CAD: variants seen among roughly 807,000 people sequenced by gnomAD.
CAD encodes multifunctional protein CAD.
A neutral mutation model predicts 237.2 loss-of-function variants in CAD; 81 were observed. That is an observed-to-expected ratio of 0.34 (90% CI 0.29 to 0.41). The LOEUF (loss-of-function observed/expected upper bound fraction) is 0.41. Among genes scored for constraint, CAD ranks in the 10% least tolerant of loss-of-function variants. The pLI, the probability that CAD is intolerant of heterozygous loss-of-function variation, is 1.00. For missense variants in CAD, 2,181 were observed against 2,951.7 expected (o/e 0.74, Z 6.05); for synonymous variants, 1,196 against 1,162.8 (o/e 1.03, Z -0.58).
chr2:27,222,553 G>A lies in CAD; in HGVS notation c.530G>A (p.Arg177Gln), dbSNP rs374122292. The A allele has an allele frequency of 4.3e-6, 7 of 1,613,954 alleles. No individual in the cohort carries two copies. The highest frequency in any genetic ancestry group is 2.2e-5 in the East Asian group (1 of 44,892). ...GTATTCAATACAGGGGGTGCCCCTC[G>A]GATCCTTGCTTTGGACTGTGGCCTC... Reference protein sequence around the residue: ...PRVFNTGGAPRILALDCGLKY... With the variant: ...PRVFNTGGAPQILALDCGLKY... The change falls in exon 5 of 44, where the codon CGG becomes CAG. Residue 177 changes from arginine to glutamine, a missense_variant. Arg to Gln is a conservative substitution (Grantham distance 43, BLOSUM62 1). This residue lies in a region of CAD where 314 missense variants were observed against 339.4 expected (regional missense o/e 0.93). Coordinates refer to ENST00000264705, the MANE Select transcript of CAD (RefSeq NM_004341.5).
In CAD at chr2:27,242,104, C is replaced by T; in HGVS notation, c.6077C>T (p.Pro2026Leu). Residue 2026 changes from proline to leucine, a missense_variant, in exon 39 of 44, where the codon CCC (proline) becomes CTC (leucine). Physicochemically the swap from Pro to Leu is moderately conservative, Grantham distance 98. Transcript: ENST00000264705. This position sits in a 1 kb window ranked among gnomAD's most constrained non-coding sequence, Gnocchi z 6.4. ...GCCGACGTCGTCGTGCTCCGGCACC[C>T]CCAGCCTGGAGCAGTGGAGGTGAGG... ...CYADVVVLRH[P>L]QPGAVELAAK... 6.2e-7 allele frequency: 1 copy of T among 1,612,890 alleles called. No individual in the cohort carries two copies. Among genetic ancestry groups the T allele is most frequent in the Non-Finnish European group, 8.5e-7 (1 of 1,179,978 alleles).
At position 27,242,832 on chromosome 2, in the gene CAD, G is replaced by A. The variant is rs775524273; in HGVS notation, c.6379-40G>A. ...TGGAGATGTGGGTTGGGCAGTCAGA[G>A]CCCAGCGCTGCATCCACCATGGCTC... On this transcript the variant is annotated intron_variant, in intron 41 of 43. Transcript: ENST00000264705. This position sits in a 1 kb window ranked among gnomAD's most constrained non-coding sequence, Gnocchi z 6.4. 2 of 1,613,814 alleles carry A rather than the reference G, an allele frequency of 1.2e-6. No homozygotes were observed. The highest frequency in any genetic ancestry group is 1.7e-6 in the Non-Finnish European group (2 of 1,179,682).
Position 27,226,620 on chromosome 2 carries a change from A to G in CAD, c.2127A>G (p.Leu709=). The G allele has an allele frequency of 6.2e-7, 1 of 1,614,176 alleles. No homozygotes were observed. The highest frequency in any genetic ancestry group is 8.5e-7 in the Non-Finnish European group (1 of 1,180,026). The change falls in exon 14 of 44, where the codon CTA becomes CTG. Residue 709 remains leucine (L), a synonymous_variant. Transcript: ENST00000264705. ...CACTGGCTTATGTGGCAGCCAAGCT[A>G]GCATTGGGCATCCCTTTGCCTGAGC... ...GYPLAYVAAK[L]ALGIPLPELR... is the part of the protein sequence containing the mutation.
chr2:27,235,466 C>T lies in CAD; in HGVS notation c.3969+39C>T, dbSNP rs1367174954. 1.2e-6 allele frequency: 2 copies of T among 1,608,846 alleles called. No homozygotes were observed. Among genetic ancestry groups the T allele is most frequent in the Non-Finnish European group, 1.7e-6 (2 of 1,176,148 alleles). ...GGAGGGCTTCCCGAGGGCCGTGGCTCCCTGGGCCAGGGCTGACCTTGAAAT... is the reference window on the plus strand; with the variant it reads ...GGAGGGCTTCCCGAGGGCCGTGGCTTCCTGGGCCAGGGCTGACCTTGAAAT... On this transcript the variant is annotated intron_variant, in intron 24 of 43. Coordinates refer to ENST00000264705, the MANE Select transcript of CAD (RefSeq NM_004341.5). This position sits in a 1 kb window ranked among gnomAD's most constrained non-coding sequence, Gnocchi z 5.2.
Position 27,235,113 on chromosome 2 carries a change from G to T in CAD, c.3787-132G>T. 1 of 769,150 alleles carries T rather than the reference G, an allele frequency of 1.3e-6. No individual in the cohort carries two copies. Among genetic ancestry groups the T allele is most frequent in the Non-Finnish European group, 2.0e-6 (1 of 491,638 alleles). 47.6% of individuals were successfully genotyped at this position (769,150 alleles called of 1,614,324 possible). ...CCCCAAGTACGTTTGGAAAGCAGGA[G>T]GGCACACAGAGAGGGCAGGCTGACC... On this transcript the variant is annotated intron_variant, in intron 23 of 43. Transcript: ENST00000264705. This position sits in a 1 kb window ranked among gnomAD's most constrained non-coding sequence, Gnocchi z 5.2.
intron 5 of CAD, 71 bp from the exon 6 acceptor site, chr2:27,222,795 T>G (rs1675241408): frequency 6.3e-7 from 1 of 1,580,602 alleles, no homozygotes; most frequent in Admixed American, 1.7e-5. Flanking sequence ...TCTCATGGGC[T>G]GGGGGGGCTG....
chr2:27,235,463 G>A lies in CAD; in HGVS notation c.3969+36G>A. On this transcript the variant is annotated intron_variant, in intron 24 of 43. Coordinates refer to ENST00000264705, the MANE Select transcript of CAD (RefSeq NM_004341.5). This position sits in a 1 kb window ranked among gnomAD's most constrained non-coding sequence, Gnocchi z 5.2. ...CCAGGAGGGCTTCCCGAGGGCCGTG[G>A]CTCCCTGGGCCAGGGCTGACCTTGA... 6.2e-7 allele frequency: 1 copy of A among 1,608,328 alleles called. No individual in the cohort carries two copies. Among genetic ancestry groups the A allele is most frequent in the Non-Finnish European group, 8.5e-7 (1 of 1,175,812 alleles).
rs371844501 is a variant in CAD at position 27,222,182 on chromosome 2, C to G, written c.353-12C>G. 1.1e-4 allele frequency: 183 copies of G among 1,612,124 alleles called. No individual in the cohort carries two copies. In the South Asian group the frequency reaches 1.5e-3, roughly 13 times the overall value. ...TAGGAATGTGATCCCTAAGACTGTGCTATTTTGACAGGAGTAGACACTCGG... is the reference window on the plus strand; with the variant it reads ...TAGGAATGTGATCCCTAAGACTGTGGTATTTTGACAGGAGTAGACACTCGG... On this transcript the variant is annotated splice_polypyrimidine_tract_variant and intron_variant, in intron 3 of 43. Transcript: ENST00000264705.
chr2:27,229,055 A>C (rs2148071313), intron 15 of CAD, among the ~76,000 whole-genome samples: 1 of 151,054 alleles, frequency 6.6e-6, no homozygotes, highest in South Asian at 2.1e-4. Context: ...AGTAGCTGGG[A>C]CTACAGGCGC....
Position 27,237,424 on chromosome 2 carries a change from A to G in CAD, c.4442A>G (p.His1481Arg). ...HVHLREPGGT[H>R]KEDFASGTAA... ...CACCTGCGGGAACCAGGTGGGACAC[A>G]TAAGGAGGACTTTGCTTCAGGCACA... Residue 1481 changes from histidine (H) to arginine (R), a missense_variant, in exon 28 of 44, where the codon CAT becomes CGT. By Grantham distance (29) the His-to-Arg change is conservative (BLOSUM62 0). Around this residue, in one of 12 missense-constraint regions of CAD, gnomAD observed 478 missense variants for 515.0 expected, o/e 0.93. Coordinates refer to ENST00000264705, the MANE Select transcript of CAD (RefSeq NM_004341.5). This position sits in a 1 kb window ranked among gnomAD's most constrained non-coding sequence, Gnocchi z 4.0. 2 of 1,614,220 alleles carry G rather than the reference A, an allele frequency of 1.2e-6. No individual in the cohort carries two copies. The highest frequency in any genetic ancestry group is 1.7e-6 in the Non-Finnish European group (2 of 1,180,034).
Position 27,242,622 on chromosome 2 carries a change from C to G in CAD, c.6225C>G (p.Ile2075Met). Residue 2075 changes from isoleucine to methionine, a missense_variant and splice_region_variant, in exon 41 of 44, where the codon ATC (isoleucine) becomes ATG (methionine). By Grantham distance (10) the Ile-to-Met change is conservative. Around this residue, in one of 12 missense-constraint regions of CAD, gnomAD observed 11 missense variants for 39.4 expected, o/e 0.28. Coordinates refer to ENST00000264705, the MANE Select transcript of CAD (RefSeq NM_004341.5). This position sits in a 1 kb window ranked among gnomAD's most constrained non-coding sequence, Gnocchi z 6.4. Reference sequence around the variant, plus strand: ...TGGTGACTGGATTCCTCTCCTAGATCACGATGGTGGGTGACCTGAAGCACG... The same window carrying G: ...TGGTGACTGGATTCCTCTCCTAGATGACGATGGTGGGTGACCTGAAGCACG... ...EELGTVNGMT[I>M]TMVGDLKHGR... 1 of 1,592,312 alleles carries G rather than the reference C, an allele frequency of 6.3e-7. No homozygotes were observed. Among genetic ancestry groups the G allele is most frequent in the Non-Finnish European group, 8.6e-7 (1 of 1,165,438 alleles).
chr2:27,225,429 C>T (rs1251981529), intron 11 of CAD, among the ~76,000 whole-genome samples, 186 bp downstream of exon 11: 1 of 150,050 alleles, frequency 6.7e-6, no homozygotes, highest in Non-Finnish European at 1.5e-5. Flanking sequence ...GCCTCAGCTT[C>T]CTGAGTAGCT....
intron 9 of CAD, 109 bp downstream of exon 9, chr2:27,224,599 A>C: frequency 6.5e-7 from 1 of 1,544,352 alleles, no homozygotes; most frequent in Non-Finnish European, 8.8e-7. Flanking sequence ...GATTTGGGGA[A>C]TGTAGAGAAA....
At position 27,240,520 on chromosome 2, in the gene CAD, AG is replaced by A; in HGVS notation, c.5593+160del. ...TGCCTAAACAAGTCTCCCCGGTGTG[AG>A]TAGACATCTCACAGCTTCTCACATG... On this transcript the variant is annotated intron_variant, in intron 35 of 43. Transcript: ENST00000264705. This position sits in a 1 kb window ranked among gnomAD's most constrained non-coding sequence, Gnocchi z 4.6. 1 of 1,539,652 alleles carries A rather than the reference AG, an allele frequency of 6.5e-7. No individual in the cohort carries two copies. Among genetic ancestry groups the A allele is most frequent in the Non-Finnish European group, 8.8e-7 (1 of 1,135,934 alleles).
In CAD at chr2:27,242,472, A is replaced by G. The variant is rs764797164; in HGVS notation, c.6222+45A>G. 6.3e-7 allele frequency: 1 copy of G among 1,599,122 alleles called. No homozygotes were observed. Among genetic ancestry groups the G allele is most frequent in the South Asian group, 1.1e-5 (1 of 89,724 alleles). Reference sequence around the variant, plus strand: ...TTGGATCCCTGCCAGGGGACGATCTAGAGAGGGAGGCAGGAAGTGGTTACC... The same window carrying G: ...TTGGATCCCTGCCAGGGGACGATCTGGAGAGGGAGGCAGGAAGTGGTTACC... On this transcript the variant is annotated intron_variant, in intron 40 of 43. Coordinates refer to ENST00000264705, the MANE Select transcript of CAD (RefSeq NM_004341.5). This position sits in a 1 kb window ranked among gnomAD's most constrained non-coding sequence, Gnocchi z 6.4.
Position 27,233,421 on chromosome 2 carries a change from T to A in CAD, c.3101T>A (p.Val1034Glu). 6.2e-7 allele frequency: 1 copy of A among 1,614,156 alleles called. No homozygotes were observed. The highest frequency in any genetic ancestry group is 8.5e-7 in the Non-Finnish European group (1 of 1,180,014). Reference protein sequence around the residue: ...AMALHRQQCRVLGTSPEAIDS... With the variant: ...AMALHRQQCRELGTSPEAIDS... ...GCGTTGCATCGGCAGCAGTGCCGGG[T>A]GCTGGGCACCTCCCCTGAAGCCATT... Residue 1034 changes from valine (V) to glutamate (E), a missense_variant, in exon 20 of 44, where the codon GTG (valine) becomes GAG (glutamate). By Grantham distance (121) the Val-to-Glu change is moderately radical. Coordinates refer to ENST00000264705, the MANE Select transcript of CAD (RefSeq NM_004341.5). This position sits in a 1 kb window ranked among gnomAD's most constrained non-coding sequence, Gnocchi z 6.3.
chr2:27,232,016 G>T lies in CAD; in HGVS notation c.2437G>T (p.Val813Leu). ...TCCAACAGATAAGCGGATTTTTGTG[G>T]TGGCAGCTGCTTTGTGGGCTGGTTA... ...ETPTDKRIFV[V>L]AAALWAGYSV... The change falls in exon 17 of 44, where the codon GTG becomes TTG. Residue 813 changes from valine (V) to leucine (L), a missense_variant. Around this residue, in one of 12 missense-constraint regions of CAD, gnomAD observed 385 missense variants for 535.1 expected, o/e 0.72. Transcript: ENST00000264705. The surrounding 1 kb of genome is among the most constrained non-coding windows in gnomAD (Gnocchi z 4.1). The T allele has an allele frequency of 6.2e-7, 1 of 1,614,218 alleles. No homozygotes were observed. Among genetic ancestry groups the T allele is most frequent in the Non-Finnish European group, 8.5e-7 (1 of 1,180,040 alleles).
Position 27,239,022 on chromosome 2 carries a change from A to G in CAD, c.5063-20A>G. 1 of 1,536,310 alleles carries G rather than the reference A, an allele frequency of 6.5e-7. No homozygotes were observed. The highest frequency in any genetic ancestry group is 8.7e-7 in the Non-Finnish European group (1 of 1,144,524). Reference sequence around the variant, plus strand: ...CATGGAGGTGATTGGTCCTGAGGGTAATGGCTTTCTTTCTCCCAGCTCCCC... The same window carrying G: ...CATGGAGGTGATTGGTCCTGAGGGTGATGGCTTTCTTTCTCCCAGCTCCCC... On this transcript the variant is annotated intron_variant, in intron 31 of 43. Coordinates refer to ENST00000264705, the MANE Select transcript of CAD (RefSeq NM_004341.5). The surrounding 1 kb of genome is among the most constrained non-coding windows in gnomAD (Gnocchi z 4.0).
intron 2 of CAD, among the ~76,000 whole-genome samples, 176 bp from the exon 3 acceptor site, chr2:27,221,042 C>G (rs931399819): frequency 6.6e-6 from 1 of 152,088 alleles, no homozygotes; most frequent in Non-Finnish European, 1.5e-5. Context: ...GGTTGTGTTT[C>G]GTATAGGAGA....
Sources: allele counts gnomAD v4.1 joint callset (sites outside exome capture counted in the v4.1 genomes callset), GRCh38; gene constraint gnomAD v4.1.1; regional missense constraint gnomAD v4.1.1; non-coding constraint Gnocchi (gnomAD v3.1); transcripts MANE v1.5; gene names NCBI Gene and HGNC (gene_info 2026-07-23, HGNC 2026-07-21).